Variants in NRG3 observed in about 807,000 individuals in gnomAD.
NRG3 encodes the protein neuregulin 3, also known as pro-neuregulin-3, membrane-bound isoform.
A neutral mutation model predicts 66.9 loss-of-function variants in NRG3; 31 were observed. The observed-to-expected ratio is 0.46, with a 90% CI of 0.35 to 0.63. The LOEUF is 0.63. Among genes scored for constraint, NRG3 ranks in the 20% least tolerant of loss-of-function variants. NRG3 has a pLI of 0.00. For missense variants in NRG3, 910 were observed against 878.9 expected, an observed-to-expected ratio of 1.04 and a Z score of -0.45; for synonymous variants, 393 against 359.4, an observed-to-expected ratio of 1.09 and a Z score of -1.06.
intron 1 of NRG3, among the ~76,000 whole-genome samples, chr10:82,078,437 G>A (rs1219461176): frequency 2.0e-5 from 3 of 152,104 alleles, no homozygotes; most frequent in South Asian, 2.1e-4. Flanking sequence ...TGCAAGCTCC[G>A]CCTCCCGCGT....
chr10:82,462,330 T>C (rs2091554946), intron 2 of NRG3, among the ~76,000 whole-genome samples: 1 of 152,018 alleles, frequency 6.6e-6, no homozygotes. Context: ...TCCCATTTTC[T>C]TCTTCTGTCT....
At chr10:81,895,002 A>ATTAC (rs1843387147) in intron 1 of NRG3, among the ~76,000 whole-genome samples, 1 of 152,152 alleles carries the variant, frequency 6.6e-6, no homozygotes, top group Non-Finnish European at 1.5e-5. Context: ...GAGCCACCTG[A>ATTAC]GTAAGAGCGG....
chr10:82,237,015 T>TA (rs1225508785), intron 1 of NRG3, among the ~76,000 whole-genome samples: 1 of 152,022 alleles, frequency 6.6e-6, no homozygotes, highest in East Asian at 1.9e-4. Flanking sequence ...GCACCCGGCC[T>TA]AAAAAAACTA....
At chr10:82,114,551 A>T (rs974450663) in intron 1 of NRG3, among the ~76,000 whole-genome samples, 1 of 152,160 alleles carries the variant, frequency 6.6e-6, no homozygotes, top group Admixed American at 6.6e-5. Flanking sequence ...TTGCACAAGC[A>T]TGTCGTCAAA....
chr10:82,687,936 C>T (rs963582589), intron 2 of NRG3, among the ~76,000 whole-genome samples: 1 of 152,142 alleles, frequency 6.6e-6, no homozygotes, highest in Admixed American at 6.6e-5. Context: ...CATTGCAGGT[C>T]CCAGCACACA....
chr10:81,884,144 T>C (rs922703802), intron 1 of NRG3, among the ~76,000 whole-genome samples: 2 of 152,146 alleles, frequency 1.3e-5, no homozygotes, highest in African/African-American at 4.8e-5. Context: ...TGGAGGAGTG[T>C]TTTACAGGTA....
chr10:82,170,847 A>AATTG (rs2072550376), intron 1 of NRG3, among the ~76,000 whole-genome samples: 2 of 150,724 alleles, frequency 1.3e-5, no homozygotes, highest in Admixed American at 1.3e-4. Flanking sequence ...TCTCACCCCC[A>AATTG]ATTGATATTC....
chr10:81,986,636 G>T (rs2060528162), intron 1 of NRG3, among the ~76,000 whole-genome samples: 1 of 152,134 alleles, frequency 6.6e-6, no homozygotes. Context: ...TTAATTATTT[G>T]TAAGGAAGGG....
rs545020467 is a variant in NRG3 at position 82,348,587 on chromosome 10, T to C, written c.824-10152T>C. ...CGAGGAGTATCTTTGTGGCGTTCTC[T>C]GTATTTCCTGAATCTGAACGTTGGC... On this transcript the variant is annotated intron_variant, in intron 1 of 8. Coordinates refer to ENST00000372141, the MANE Select transcript of NRG3 (RefSeq NM_001010848.4). 1.4e-4 allele frequency among the ~76,000 whole-genome samples: 21 copies of C among 146,852 alleles called. No individual in the cohort carries two copies. In the East Asian group the frequency reaches 2.0e-3, roughly 14 times the overall value.
chr10:82,726,349 T>C (rs2057597490), intron 2 of NRG3, among the ~76,000 whole-genome samples: 1 of 152,176 alleles, frequency 6.6e-6, no homozygotes, highest in Non-Finnish European at 1.5e-5. Context: ...AAATCTTATC[T>C]TGAATTATAA....
chr10:82,553,011 G>C (rs1289942385), intron 2 of NRG3, among the ~76,000 whole-genome samples: 3 of 151,020 alleles, frequency 2.0e-5, no homozygotes, highest in Non-Finnish European at 4.4e-5. Context: ...CTGTTTCCAA[G>C]TAGAGAAAAG....
intron 2 of NRG3, among the ~76,000 whole-genome samples, chr10:82,665,586 C>A (rs59384209): frequency 0.11 from 17,490 of 152,118 alleles, 1,096 homozygotes; most frequent in East Asian, 0.23. Flanking sequence ...CTTTTATTAA[C>A]CTCATAAGCA....
intron 1 of NRG3, among the ~76,000 whole-genome samples, chr10:82,215,057 T>C (rs7070696): frequency 0.11 from 16,540 of 152,256 alleles, 922 homozygotes; most frequent in African/African-American, 0.13. Flanking sequence ...ATTAAGAACA[T>C]GTACATCTCT....
At chr10:82,562,656 G>A (rs2045128088) in intron 2 of NRG3, among the ~76,000 whole-genome samples, 2 of 152,158 alleles carry the variant, frequency 1.3e-5, no homozygotes, top group African/African-American at 4.8e-5. Flanking sequence ...ACTCATGGCT[G>A]AATATAGTAA....
chr10:82,529,685 T>C lies in NRG3; in HGVS notation c.953+170817T>C, dbSNP rs77894678. ...CATTTAGCATCCTCCATGGGAACTG[T>C]AGTGAAATCACTGACCACACAAAAG... On this transcript the variant is annotated intron_variant, in intron 2 of 8. Coordinates refer to ENST00000372141, the MANE Select transcript of NRG3 (RefSeq NM_001010848.4). Among the ~76,000 whole-genome samples, 1,310 of 152,260 alleles carry C rather than the reference T, an allele frequency of 8.6e-3. 7 individuals carry two copies. The highest frequency in any genetic ancestry group is 0.014 in the Non-Finnish European group (919 of 68,016).
chr10:81,917,726 C>T (rs1845839162), intron 1 of NRG3, among the ~76,000 whole-genome samples: 1 of 152,182 alleles, frequency 6.6e-6, no homozygotes, highest in African/African-American at 2.4e-5. Context: ...TACAGTTTGT[C>T]TTTCACTTCA....
chr10:82,063,742 A>G (rs2064294169), intron 1 of NRG3, among the ~76,000 whole-genome samples: 2 of 152,196 alleles, frequency 1.3e-5, no homozygotes. Context: ...AAAGAACTAA[A>G]GAACTAAAGA....
intron 2 of NRG3, among the ~76,000 whole-genome samples, chr10:82,707,497 A>G (rs1413651209): frequency 6.6e-6 from 1 of 151,562 alleles, no homozygotes; most frequent in Non-Finnish European, 1.5e-5. Context: ...CTCAGGAGGC[A>G]AGAAGCTGGT....
chr10:82,104,702 T>C (rs1365344684), intron 1 of NRG3, among the ~76,000 whole-genome samples: 1 of 152,138 alleles, frequency 6.6e-6, no homozygotes, highest in Non-Finnish European at 1.5e-5. Flanking sequence ...TTATTGAAGA[T>C]AGTATGTGTT....
Sources: allele counts gnomAD v4.1 joint callset (sites outside exome capture counted in the v4.1 genomes callset), GRCh38; gene constraint gnomAD v4.1.1; transcripts MANE v1.5; gene names NCBI Gene and HGNC (gene_info 2026-07-23, HGNC 2026-07-21).